The following JMJD1C variants were observed in gnomAD, a reference collection of about 807,000 sequenced individuals.
JMJD1C encodes jumonji domain containing 1C.
In JMJD1C, 31 loss-of-function variants were observed where a neutral mutation model predicts 245.3. The observed-to-expected ratio is 0.13, with a 90% confidence interval of 0.09 to 0.17. The LOEUF is 0.17. JMJD1C is among the 10% of genes least tolerant of loss of function. The pLI, the probability that JMJD1C is intolerant of heterozygous loss-of-function variation, is 1.00. For synonymous variants in JMJD1C, 1,057 were observed against 1,017.4 expected (o/e 1.04, Z -0.74); for missense variants, 2,691 against 3,000.2 (o/e 0.90, Z 2.41).
intron 2 of JMJD1C, among the ~76,000 whole-genome samples, chr10:63,341,602 C>T (rs1943385383): frequency 6.6e-6 from 1 of 152,192 alleles, no homozygotes; most frequent in East Asian, 1.9e-4. Context: ...CACAAACATT[C>T]TCTACCAGTA....
At chr10:63,337,256 A>G (rs925426526) in intron 2 of JMJD1C, among the ~76,000 whole-genome samples, 17 of 151,102 alleles carry the variant, frequency 1.1e-4, no homozygotes, top group Non-Finnish European at 2.5e-4. Flanking sequence ...AGCCTGGTCA[A>G]TATGGTGAAA....
intron 1 of JMJD1C, among the ~76,000 whole-genome samples, chr10:63,489,095 G>A (rs1954086810): frequency 6.6e-6 from 1 of 152,106 alleles, no homozygotes; most frequent in Non-Finnish European, 1.5e-5. Flanking sequence ...TGTGTTGCTA[G>A]TCATTTAAAA....
chr10:63,486,869 C>A lies in JMJD1C; in HGVS notation n.113+34869G>T, dbSNP rs528796549. ...TTCCCTACCCCTTATCATCATCAGA[C>A]ACTATGGCCAAGGCGCTACACTAAG... On this transcript the variant is annotated intron_variant and non_coding_transcript_variant, in intron 1 of 3. Coordinates refer to the JMJD1C transcript ENST00000633035. 2.6e-5 allele frequency among the ~76,000 whole-genome samples: 4 copies of A among 152,308 alleles called. No individual in the cohort carries two copies. The East Asian group carries it at 7.7e-4, about 29-fold the overall frequency.
At chr10:63,433,576 CTT>C (rs1564915548) in intron 1 of JMJD1C, among the ~76,000 whole-genome samples, 1 of 143,574 alleles carries the variant, frequency 7.0e-6, no homozygotes, top group African/African-American at 2.6e-5. Flanking sequence ...GTACTCTTTT[CTT>C]TTCTTTTCTT....
chr10:63,316,831 T>A (rs963353219), intron 2 of JMJD1C, among the ~76,000 whole-genome samples: 2 of 152,130 alleles, frequency 1.3e-5, no homozygotes, highest in Admixed American at 6.5e-5. Context: ...ATTTAGAGTA[T>A]CCACCACCTT....
chr10:63,258,731 A>G (rs755229331), intron 3 of JMJD1C, among the ~76,000 whole-genome samples: 1 of 152,148 alleles, frequency 6.6e-6, no homozygotes, highest in Non-Finnish European at 1.5e-5. Context: ...AGGCTCCTTA[A>G]ATCCAGTCTA....
intron 3 of JMJD1C, among the ~76,000 whole-genome samples, chr10:63,247,096 C>A (rs1249268729): frequency 8.6e-6 from 1 of 116,858 alleles, no homozygotes; most frequent in Non-Finnish European, 1.9e-5. Flanking sequence ...CGGAAATAAA[C>A]TGAGACAAAA....
intron 2 of JMJD1C, among the ~76,000 whole-genome samples, chr10:63,336,332 C>T (rs1055422528): frequency 3.9e-5 from 6 of 152,076 alleles, no homozygotes; most frequent in Non-Finnish European, 7.4e-5. Context: ...GTGGGATGTG[C>T]CTGTAATCCC....
At chr10:63,374,555 C>T (rs1048077382) in intron 2 of JMJD1C, among the ~76,000 whole-genome samples, 2 of 152,130 alleles carry the variant, frequency 1.3e-5, no homozygotes, top group African/African-American at 2.4e-5. Context: ...ATTTTTGTGG[C>T]TTTCAAGTTC....
intron 1 of JMJD1C, among the ~76,000 whole-genome samples, chr10:63,459,337 A>C (rs568072221): frequency 6.6e-6 from 1 of 152,316 alleles, no homozygotes; most frequent in African/African-American, 2.4e-5. Flanking sequence ...TATTTATCTG[A>C]CCAACACTGA....
At chr10:63,349,223 GC>G (rs1315650965) in intron 2 of JMJD1C, among the ~76,000 whole-genome samples, 4 of 150,636 alleles carry the variant, frequency 2.7e-5, no homozygotes, top group Non-Finnish European at 5.9e-5. Flanking sequence ...TTGGCATCAT[GC>G]TTCTTCTACA....
intron 2 of JMJD1C, among the ~76,000 whole-genome samples, chr10:63,317,936 C>T (rs1416178788): frequency 6.6e-6 from 1 of 152,146 alleles, no homozygotes; most frequent in Non-Finnish European, 1.5e-5. Context: ...CTCCAACCTC[C>T]AAGGCTCAAG....
At chr10:63,292,536 G>A (rs374638487) in intron 2 of JMJD1C, among the ~76,000 whole-genome samples, 8 of 152,020 alleles carry the variant, frequency 5.3e-5, no homozygotes, top group South Asian at 2.1e-4. Flanking sequence ...GCTTGAACCC[G>A]GGAAGCAGAG....
intron 24 of JMJD1C, among the ~76,000 whole-genome samples, chr10:63,172,481 T>C (rs1221839486): frequency 6.6e-6 from 1 of 152,188 alleles, no homozygotes; most frequent in Non-Finnish European, 1.5e-5. Context: ...TAGAGACTTA[T>C]TAATAATACA....
intron 3 of JMJD1C, among the ~76,000 whole-genome samples, chr10:63,244,188 T>G (rs182973798): frequency 6.6e-6 from 1 of 152,266 alleles, no homozygotes; most frequent in Admixed American, 6.5e-5. Context: ...GAGTGGCAGT[T>G]CAGCAGCACC....
Position 63,213,971 on chromosome 10 carries a change from G to A in JMJD1C, c.2196C>T (p.Phe732=). Residue 732 remains phenylalanine, a synonymous_variant, in exon 8 of 26, where the codon TTC becomes TTT. Transcript: ENST00000399262. ...SETGANHISP[F]LSQHPFPLHS... is the part of the protein sequence containing the mutation. ...GAAGAGGAAAAGGATGCTGGCTTAGGAAAGGTGAAATATGATTAGCTCCTG... is the reference window on the plus strand; with the variant it reads ...GAAGAGGAAAAGGATGCTGGCTTAGAAAAGGTGAAATATGATTAGCTCCTG... 1.2e-6 allele frequency: 2 copies of A among 1,614,146 alleles called. No homozygotes were observed. The highest frequency in any genetic ancestry group is 1.3e-5 in the African/African-American group (1 of 75,042).
chr10:63,207,549 C>T lies in JMJD1C; in HGVS notation c.4120G>A (p.Ala1374Thr). ...VHTKSEKNFQ[A>T]VSQGSVPSSV... ...CTGGGAACACTGCCCTGTGAGACAG[C>T]CTGAAAGTTTTTTTCAGATTTTGTG... Residue 1374 changes from alanine to threonine, a missense_variant, in exon 10 of 26, where the codon GCT becomes ACT. Transcript: ENST00000399262. The T allele has an allele frequency of 6.2e-7, 1 of 1,614,102 alleles. No individual in the cohort carries two copies. Among genetic ancestry groups the T allele is most frequent in the Non-Finnish European group, 8.5e-7 (1 of 1,180,004 alleles).
At chr10:63,268,265 G>C (rs1248658341) in intron 2 of JMJD1C, among the ~76,000 whole-genome samples, 3 of 142,134 alleles carry the variant, frequency 2.1e-5, no homozygotes, top group African/African-American at 7.7e-5. Flanking sequence ...GGAGTGACTT[G>C]AAAGAACAAA....
chr10:63,242,728 A>G (rs1322338384), intron 3 of JMJD1C, among the ~76,000 whole-genome samples: 1 of 152,178 alleles, frequency 6.6e-6, no homozygotes, highest in Non-Finnish European at 1.5e-5. Flanking sequence ...TCTGTCTCAA[A>G]AACAAAAACA....
Sources: allele counts gnomAD v4.1 joint callset (sites outside exome capture counted in the v4.1 genomes callset), GRCh38; gene constraint gnomAD v4.1.1; transcripts MANE v1.5; gene names NCBI Gene and HGNC (gene_info 2026-07-23, HGNC 2026-07-21).